The following TMPRSS12 variants were observed in gnomAD, a reference collection of about 807,000 sequenced individuals.
TMPRSS12 encodes the protein transmembrane protease serine 12.
Under a neutral mutation model 26.0 loss-of-function variants are expected in TMPRSS12, and 25 were observed. The ratio of observed to expected loss-of-function variants is 0.96; its 90% CI spans 0.70 to 1.34. The LOEUF is 1.34. Among genes scored for constraint, TMPRSS12 ranks in the 40% most tolerant of loss-of-function variants. The pLI is 0.00. For missense variants in TMPRSS12, 441 were observed against 440.1 expected, an observed-to-expected ratio of 1.00 and a Z score of -0.02; for synonymous variants, 150 against 161.7, an observed-to-expected ratio of 0.93 and a Z score of 0.55.
intron 3 of TMPRSS12, among the ~76,000 whole-genome samples, chr12:50,871,292 A>C (rs953478341): frequency 6.6e-6 from 1 of 152,168 alleles, no homozygotes; most frequent in Non-Finnish European, 1.5e-5. Context: ...AAATAAACCC[A>C]AATACTTGCA....
At chr12:50,845,793 A>G (rs1937761720) in intron 2 of TMPRSS12, among the ~76,000 whole-genome samples, 1 of 152,188 alleles carries the variant, frequency 6.6e-6, no homozygotes, top group Admixed American at 6.5e-5. Flanking sequence ...GACTTATCAT[A>G]CTTATATTTA....
intron 3 of TMPRSS12, among the ~76,000 whole-genome samples, chr12:50,865,382 C>G (rs1384712183): frequency 1.3e-5 from 2 of 152,092 alleles, no homozygotes; most frequent in African/African-American, 4.8e-5. Flanking sequence ...ATATTAGACA[C>G]AGCTGAAGAG....
intron 3 of TMPRSS12, among the ~76,000 whole-genome samples, chr12:50,866,055 G>A (rs891892066): frequency 2.6e-5 from 4 of 152,204 alleles, no homozygotes; most frequent in African/African-American, 4.8e-5. Context: ...GAACTAGATT[G>A]CAGCTCTAAT....
At position 50,872,930 on chromosome 12, in the gene TMPRSS12, G is replaced by GTATATATGTACATATATATGACGTA. The variant is rs1217585533; in HGVS notation, c.653-12282_653-12258dup. On this transcript the variant is annotated intron_variant, in intron 3 of 4. Transcript: ENST00000398458. ...ATGACTATATATGTACATATATGAT[G>GTATATATGTACATATATATGACGTA]TATATATGTACATATATATGACGTA... Among the ~76,000 whole-genome samples the GTATATATGTACATATATATGACGTA allele has an allele frequency of 1.0e-2, 634 of 63,546 alleles. 56 individuals carry two copies. Among genetic ancestry groups the GTATATATGTACATATATATGACGTA allele is most frequent in the Non-Finnish European group, 0.013 (449 of 33,318 alleles). 41.7% of individuals were successfully genotyped at this position (63,546 alleles called of 152,430 possible).
At chr12:50,875,146 A>G (rs1938100879) in intron 3 of TMPRSS12, among the ~76,000 whole-genome samples, 1 of 152,188 alleles carries the variant, frequency 6.6e-6, no homozygotes, top group Admixed American at 6.5e-5. Flanking sequence ...TCTTAAGCAA[A>G]AAGAACAAAG....
chr12:50,887,391 T>C lies in TMPRSS12; in HGVS notation c.925T>C (p.Tyr309His), dbSNP rs765945086. Residue 309 changes from tyrosine to histidine, a missense_variant, in exon 5 of 5, where the codon TAC becomes CAC. Coordinates refer to ENST00000398458, the MANE Select transcript of TMPRSS12 (RefSeq NM_182559.3). ...TGGTGTCTATATTGGGCCATCCTTC[T>C]ACCAAAAGTGGCTGACAGAGCATTT... is the stretch of plus-strand genomic sequence containing the variant. ...FPGVYIGPSF[Y>H]QKWLTEHFFH... 1.2e-6 allele frequency: 2 copies of C among 1,613,968 alleles called. No homozygotes were observed. The highest frequency in any genetic ancestry group is 1.1e-5 in the South Asian group (1 of 91,088).
At position 50,887,633 on chromosome 12, in the gene TMPRSS12, A is replaced by AT; in HGVS notation, c.*124dup. On this transcript the variant is annotated 3_prime_UTR_variant, in exon 5 of 5. Coordinates refer to ENST00000398458, the MANE Select transcript of TMPRSS12 (RefSeq NM_182559.3). ...CCTACATTAGAGATTTCATGTGAAC[A>AT]TTTTATGGGCTATAAGTATTGTGAC... The AT allele has an allele frequency of 7.8e-7, 1 of 1,278,670 alleles. No homozygotes were observed. 79.2% of individuals were successfully genotyped at this position (1,278,670 alleles called of 1,614,324 possible). A position where few individuals can be genotyped will look rare whatever the true frequency, so the allele number is the denominator to read the frequency against.
At chr12:50,861,639 T>C (rs1384006500) in intron 3 of TMPRSS12, among the ~76,000 whole-genome samples, 3 of 152,144 alleles carry the variant, frequency 2.0e-5, no homozygotes, top group Non-Finnish European at 4.4e-5. Context: ...CATTATCTCA[T>C]TTAATACCCC....
At chr12:50,847,293 G>C (rs1007659260) in intron 2 of TMPRSS12, among the ~76,000 whole-genome samples, 3 of 151,706 alleles carry the variant, frequency 2.0e-5, no homozygotes, top group African/African-American at 7.3e-5. Context: ...TCCTGACCTC[G>C]TGATCCGCCC....
intron 3 of TMPRSS12, among the ~76,000 whole-genome samples, chr12:50,884,954 G>A (rs1316422245): frequency 2.6e-5 from 4 of 151,738 alleles, no homozygotes; most frequent in Non-Finnish European, 4.4e-5. Flanking sequence ...TGAGGCACAA[G>A]AGTTGCTTGA....
At chr12:50,865,662 T>C (rs1937984155) in intron 3 of TMPRSS12, among the ~76,000 whole-genome samples, 1 of 142,910 alleles carries the variant, frequency 7.0e-6, no homozygotes, top group African/African-American at 2.6e-5. Context: ...CAAAACGTAA[T>C]CCCCTTTCAT....
intron 3 of TMPRSS12, among the ~76,000 whole-genome samples, chr12:50,882,604 T>C (rs1938186311): frequency 6.6e-6 from 1 of 152,244 alleles, no homozygotes; most frequent in Non-Finnish European, 1.5e-5. Flanking sequence ...TTTTAAAATG[T>C]TATGCTGTAA....
intron 3 of TMPRSS12, among the ~76,000 whole-genome samples, chr12:50,879,710 G>A (rs550984328): frequency 6.6e-6 from 1 of 152,324 alleles, no homozygotes; most frequent in South Asian, 2.1e-4. Flanking sequence ...GCTAATGCCT[G>A]TAATCCCTAA....
chr12:50,843,112 A>T lies in TMPRSS12; in HGVS notation c.148A>T (p.Arg50Trp), dbSNP rs908188600. Residue 50 changes from arginine (R) to tryptophan (W), a missense_variant, in exon 1 of 5, where the codon AGG becomes TGG. Arg to Trp is a moderately radical substitution (Grantham distance 101, BLOSUM62 -3). Transcript: ENST00000398458. Reference protein sequence around the residue: ...SSQQAEAVRKRLRRRREGGAH... With the variant: ...SSQQAEAVRKWLRRRREGGAH... Reference sequence around the variant, plus strand: ...CCAGCAGGCTGAGGCCGTCCGCAAGAGGCTCCGGCGGCGGAGGGAGGGAGG... The same window carrying T: ...CCAGCAGGCTGAGGCCGTCCGCAAGTGGCTCCGGCGGCGGAGGGAGGGAGG... 3 of 1,577,876 alleles carry T rather than the reference A, an allele frequency of 1.9e-6. No individual in the cohort carries two copies. In the African/African-American group the frequency reaches 4.0e-5, roughly 21 times the overall value.
chr12:50,878,640 G>GA (rs796873675), intron 3 of TMPRSS12, among the ~76,000 whole-genome samples: 8 of 151,562 alleles, frequency 5.3e-5, no homozygotes, highest in African/African-American at 1.9e-4. Context: ...CATGGAGGGG[G>GA]AAAAAAAACC....
intron 3 of TMPRSS12, among the ~76,000 whole-genome samples, chr12:50,866,776 G>A (rs926187816): frequency 8.5e-5 from 13 of 152,052 alleles, no homozygotes; most frequent in East Asian, 3.9e-4. Context: ...ATTCACGGCC[G>A]AGAGACCCAT....
In TMPRSS12 at chr12:50,847,056, A is replaced by ATT. The variant is rs1555205378; in HGVS notation, c.383+3019_383+3020insTT. ...GATAGGGATTGCATTCAGTCTAAAA[A>ATT]CTTTTTTTTTTTTTTTTTTTGAGAC... On this transcript the variant is annotated intron_variant, in intron 2 of 4. Coordinates refer to ENST00000398458, the MANE Select transcript of TMPRSS12 (RefSeq NM_182559.3). Among the ~76,000 whole-genome samples the ATT allele has an allele frequency of 4.9e-5, 4 of 81,502 alleles. No individual in the cohort carries two copies. In the South Asian group the frequency reaches 1.1e-3, roughly 23 times the overall value. 53.5% of individuals were successfully genotyped at this position (81,502 alleles called of 152,430 possible).
chr12:50,870,937 A>T (rs1938037164), intron 3 of TMPRSS12, among the ~76,000 whole-genome samples: 1 of 152,150 alleles, frequency 6.6e-6, no homozygotes, highest in South Asian at 2.1e-4. Context: ...CTGCTGAAAG[A>T]AATCATAGAT....
In TMPRSS12 at chr12:50,876,620, C is replaced by T. The variant is rs534361809; in HGVS notation, c.653-8626C>T. 1.7e-3 allele frequency among the ~76,000 whole-genome samples: 262 copies of T among 151,906 alleles called. 1 individual carries two copies. The highest frequency in any genetic ancestry group is 5.7e-3 in the African/African-American group (237 of 41,424). ...GAGATCGAGACCATCCTGGCTAACA[C>T]GGCGAAACCCCGTCTCTACTAAATA... On this transcript the variant is annotated intron_variant, in intron 3 of 4. Coordinates refer to ENST00000398458, the MANE Select transcript of TMPRSS12 (RefSeq NM_182559.3).
Sources: gnomAD v4.1 joint callset for allele counts (sites outside exome capture counted in the v4.1 genomes callset) on GRCh38, gnomAD v4.1.1 for gene constraint, MANE v1.5 for transcripts, NCBI Gene and HGNC (gene_info 2026-07-23, HGNC 2026-07-21) for gene names.